PIK3R4: variants seen among roughly 807,000 people sequenced by gnomAD.
The protein encoded by PIK3R4 is phosphoinositide-3-kinase regulatory subunit 4, also known as phosphoinositide 3-kinase regulatory subunit 4.
In PIK3R4, 46 loss-of-function variants were observed where a neutral mutation model predicts 136.5. That is an observed-to-expected ratio of 0.34 (90% CI 0.27 to 0.43). The LOEUF is 0.43. Ranked by LOEUF, PIK3R4 falls within the 20% of genes least tolerant of loss-of-function variation. PIK3R4 has a pLI of 1.00. For synonymous variants in PIK3R4, 557 were observed against 566.7 expected, an observed-to-expected ratio of 0.98 and a Z score of 0.24; for missense variants, 1,331 against 1,649.5, an observed-to-expected ratio of 0.81 and a Z score of 3.35.
chr3:130,701,091 T>G (rs1383550858), intron 13 of PIK3R4, among the ~76,000 whole-genome samples: 1 of 152,178 alleles, frequency 6.6e-6, no homozygotes, highest in East Asian at 1.9e-4. Flanking sequence ...AAAAATCACT[T>G]GAGAACTAAC....
At chr3:130,723,308 C>A in intron 7 of PIK3R4, 106 bp downstream of exon 7, 2 of 924,704 alleles carry the variant, frequency 2.2e-6, no homozygotes, top group East Asian at 5.2e-5. Context: ...AGTAGGAACC[C>A]CACACAATCA....
At chr3:130,740,214 AAAAG>A (rs1348107825) in intron 2 of PIK3R4, among the ~76,000 whole-genome samples, 5 of 152,242 alleles carry the variant, frequency 3.3e-5, no homozygotes, top group Non-Finnish European at 2.9e-5. Context: ...TGATAATAAC[AAAAG>A]AAAAAAAGGC....
At position 130,680,668 on chromosome 3, in the gene PIK3R4, C is replaced by T; in HGVS notation, c.3851G>A (p.Ser1284Asn). The change falls in exon 19 of 20, where the codon AGT becomes AAT. Residue 1284 changes from serine (S) to asparagine (N), a missense_variant. This residue lies in a region of PIK3R4 where 1,180 missense variants were observed against 1,407.0 expected (regional missense o/e 0.84). Transcript: ENST00000356763. ...ERSYVVAGST[S>N]SPSVSYYRKI... ...CCTGTAGTAGGACACAGATGGGGAA[C>T]TAGTACTTCCTGCAACAACATAGGA... is the stretch of plus-strand genomic sequence containing the variant. 6.2e-7 allele frequency: 1 copy of T among 1,613,226 alleles called. No individual in the cohort carries two copies. Among genetic ancestry groups the T allele is most frequent in the South Asian group, 1.1e-5 (1 of 91,032 alleles).
intron 12 of PIK3R4, 29 bp downstream of exon 12, chr3:130,705,532 C>A: frequency 2.1e-6 from 3 of 1,452,084 alleles, no homozygotes; most frequent in Non-Finnish European, 1.9e-6. Context: ...CTAGACTAGA[C>A]TACAACTACT....
intron 9 of PIK3R4, among the ~76,000 whole-genome samples, chr3:130,715,390 C>T (rs1350870621): frequency 1.3e-5 from 2 of 152,228 alleles, no homozygotes; most frequent in Admixed American, 6.5e-5. Context: ...TCCCAAAGTG[C>T]TGGGTTTATA....
At chr3:130,702,793 T>C (rs2066582176) in intron 13 of PIK3R4, among the ~76,000 whole-genome samples, 1 of 152,264 alleles carries the variant, frequency 6.6e-6, no homozygotes, top group East Asian at 1.9e-4. Flanking sequence ...ACATCATGCA[T>C]ATTTAAAGTC....
At chr3:130,687,364 T>C (rs1049185443) in intron 14 of PIK3R4, among the ~76,000 whole-genome samples, 2 of 152,176 alleles carry the variant, frequency 1.3e-5, no homozygotes, top group African/African-American at 4.8e-5. Flanking sequence ...GAATCACTTA[T>C]GATGTTAACT....
chr3:130,696,449 G>A (rs1261964243), intron 13 of PIK3R4, among the ~76,000 whole-genome samples: 3 of 151,966 alleles, frequency 2.0e-5, no homozygotes, highest in African/African-American at 7.3e-5. Flanking sequence ...CCAAGTTTTA[G>A]TATGCTGTTC....
intron 2 of PIK3R4, among the ~76,000 whole-genome samples, chr3:130,737,744 T>A (rs952598139): frequency 4.6e-5 from 7 of 152,168 alleles, no homozygotes; most frequent in Non-Finnish European, 8.8e-5. Context: ...TTAAACATGA[T>A]CAGAACACTT....
rs148680337 is a variant in PIK3R4, at chr3:130,705,711, T to C, written c.2782A>G (p.Ile928Val). ...CGAATCTGATAGGTGGATGGTAAGATTGTACTACTTAAAACCGGTATTACT... is the reference window on the plus strand; with the variant it reads ...CGAATCTGATAGGTGGATGGTAAGACTGTACTACTTAAAACCGGTATTACT... Reference protein sequence around the residue: ...KPVIPVLSSTILPSTYQIRIT... With the variant: ...KPVIPVLSSTVLPSTYQIRIT... Residue 928 changes from isoleucine to valine, a missense_variant, in exon 12 of 20, where the codon ATC becomes GTC. Around this residue, in one of 2 missense-constraint regions of PIK3R4, gnomAD observed 1,180 missense variants for 1,407.0 expected, o/e 0.84. Transcript: ENST00000356763. 1.4e-5 allele frequency: 23 copies of C among 1,612,406 alleles called. No homozygotes were observed. Among genetic ancestry groups the C allele is most frequent in the East Asian group, 2.2e-5 (1 of 44,870 alleles).
intron 14 of PIK3R4, among the ~76,000 whole-genome samples, chr3:130,689,044 G>C (rs139033796): frequency 5.9e-4 from 90 of 152,260 alleles, no homozygotes; most frequent in African/African-American, 2.0e-3. Flanking sequence ...ATGTAAAATG[G>C]TTCCTTCCAC....
chr3:130,715,577 T>C (rs2066660373), intron 9 of PIK3R4, among the ~76,000 whole-genome samples: 1 of 152,218 alleles, frequency 6.6e-6, no homozygotes, highest in African/African-American at 2.4e-5. Context: ...AAGTGTCTAT[T>C]CATATCCTTT....
intron 2 of PIK3R4, among the ~76,000 whole-genome samples, chr3:130,736,663 CT>C (rs1045150168): frequency 2.0e-5 from 3 of 151,030 alleles, no homozygotes; most frequent in Non-Finnish European, 4.4e-5. Context: ...AAACAAGAAA[CT>C]TTTTTTTTCA....
intron 5 of PIK3R4, among the ~76,000 whole-genome samples, chr3:130,729,273 G>A (rs2066749727): frequency 6.6e-6 from 1 of 152,102 alleles, no homozygotes; most frequent in Non-Finnish European, 1.5e-5. Context: ...AAGCTCAAGA[G>A]CAAGGATCGT....
intron 15 of PIK3R4, among the ~76,000 whole-genome samples, chr3:130,685,641 C>G (rs572852807): frequency 6.6e-6 from 1 of 152,280 alleles, no homozygotes; most frequent in East Asian, 1.9e-4. Flanking sequence ...CTTAAGCAAG[C>G]TGGATCACTT....
chr3:130,710,323 C>T (rs1187491527), intron 9 of PIK3R4, among the ~76,000 whole-genome samples: 1 of 151,978 alleles, frequency 6.6e-6, no homozygotes, highest in Non-Finnish European at 1.5e-5. Context: ...TATTTCAACA[C>T]ATTAACAGAA....
rs768189806 is a variant in PIK3R4 at position 130,686,252 on chromosome 3, G to C, written c.3434C>G (p.Thr1145Ser). Reference protein sequence around the residue: ...LKHDLKSGLITSFAVDIHQCW... With the variant: ...LKHDLKSGLISSFAVDIHQCW... ...TTGGTGGATGTCCACAGCAAAGGAAGTGATGAGGCCCGACTTTAAATCATG... is the reference window on the plus strand; with the variant it reads ...TTGGTGGATGTCCACAGCAAAGGAACTGATGAGGCCCGACTTTAAATCATG... Residue 1145 changes from threonine (T) to serine (S), a missense_variant, in exon 15 of 20, where the codon ACT becomes AGT. By Grantham distance (58) the Thr-to-Ser change is moderately conservative (BLOSUM62 1). Transcript: ENST00000356763. 1 of 1,613,446 alleles carries C rather than the reference G, an allele frequency of 6.2e-7. No homozygotes were observed. Among genetic ancestry groups the C allele is most frequent in the Non-Finnish European group, 8.5e-7 (1 of 1,179,446 alleles).
intron 11 of PIK3R4, among the ~76,000 whole-genome samples, chr3:130,706,209 C>G (rs2066605439): frequency 6.9e-6 from 1 of 144,026 alleles, no homozygotes. Flanking sequence ...TCCCAAAAAG[C>G]AGATCATAAG....
chr3:130,683,704 G>A (rs10512786), intron 16 of PIK3R4, among the ~76,000 whole-genome samples: 31,209 of 152,080 alleles, frequency 0.21, 3,467 homozygotes, highest in South Asian at 0.36. Context: ...TCAAGCATTA[G>A]TTGTGTGCTA....
Sources: allele counts gnomAD v4.1 joint callset (sites outside exome capture counted in the v4.1 genomes callset), GRCh38; gene constraint gnomAD v4.1.1; regional missense constraint gnomAD v4.1.1; transcripts MANE v1.5; gene names NCBI Gene and HGNC (gene_info 2026-07-23, HGNC 2026-07-21).